HIP1: variants seen among roughly 807,000 people sequenced by gnomAD.
The protein encoded by HIP1 is huntingtin-interacting protein 1.
Under a neutral mutation model 147.6 loss-of-function variants are expected in HIP1, and 65 were observed. That is an observed-to-expected ratio of 0.44 (90% CI 0.36 to 0.54). The LOEUF (loss-of-function observed/expected upper bound fraction) is 0.54, where lower values mean the gene tolerates loss of function less well. Ranked by LOEUF, HIP1 falls within the 20% of genes least tolerant of loss-of-function variation. HIP1 has a pLI of 0.00. For missense variants in HIP1, 1,061 were observed against 1,299.6 expected, an observed-to-expected ratio of 0.82 and a Z score of 2.82; for synonymous variants, 479 against 504.0, an observed-to-expected ratio of 0.95 and a Z score of 0.67.
At chr7:75,595,367 G>A (rs1554501809) in intron 2 of HIP1, among the ~76,000 whole-genome samples, 1 of 148,514 alleles carries the variant, frequency 6.7e-6, no homozygotes, top group Admixed American at 6.8e-5. Flanking sequence ...TTTTTAGACA[G>A]GGTCTCGCTC....
intron 23 of HIP1, 118 bp from the exon 24 acceptor site, chr7:75,547,931 C>T: frequency 3.5e-6 from 3 of 869,432 alleles, no homozygotes; most frequent in Non-Finnish European, 5.9e-6. Flanking sequence ...CTGGAAGTCC[C>T]CAAGTCCCTG....
At chr7:75,589,128 C>G (rs587649711) in intron 4 of HIP1, among the ~76,000 whole-genome samples, 1 of 141,698 alleles carries the variant, frequency 7.1e-6, no homozygotes, top group African/African-American at 2.6e-5. Context: ...CCAGCCTGGG[C>G]AACAAGAGCA....
At chr7:75,724,463 G>T (rs975682801) in intron 1 of HIP1, among the ~76,000 whole-genome samples, 1 of 151,886 alleles carries the variant, frequency 6.6e-6, no homozygotes, top group Non-Finnish European at 1.5e-5. Context: ...GGCCAGGCTG[G>T]TCTCCAACTT....
intron 2 of HIP1, among the ~76,000 whole-genome samples, chr7:75,597,759 T>TAAAAAA (rs1554502231): frequency 6.8e-5 from 3 of 44,120 alleles, no homozygotes; most frequent in African/African-American, 1.0e-4. Context: ...AAAAAAAAAG[T>TAAAAAA]CCCAACTCTG....
intron 1 of HIP1, among the ~76,000 whole-genome samples, chr7:75,617,170 G>T (rs762524047): frequency 1.3e-5 from 2 of 151,170 alleles, no homozygotes; most frequent in African/African-American, 2.4e-5. Flanking sequence ...CGCCTCCCCG[G>T]CTCAAGCGAT....
chr7:75,538,178 T>C lies in HIP1; in HGVS notation c.3108A>G (p.Lys1036=). The C allele has an allele frequency of 6.2e-7, 1 of 1,611,200 alleles. No homozygotes were observed. The highest frequency in any genetic ancestry group is 1.1e-5 in the South Asian group (1 of 91,014). The change falls in exon 31 of 31, where the codon AAA becomes AAG. Residue 1036 remains lysine, a synonymous_variant. Coordinates refer to ENST00000336926, the MANE Select transcript of HIP1 (RefSeq NM_005338.7). ...PPTLQEVVTE[K]E ...ATGGGGTGTTGGTTTGGCTCTATTC[T>C]TTTTCGGTTACCACTTCTTGCAGTG...
At chr7:75,579,141 A>G (rs1269478553) in intron 7 of HIP1, among the ~76,000 whole-genome samples, 1 of 151,218 alleles carries the variant, frequency 6.6e-6, no homozygotes, top group Non-Finnish European at 1.5e-5. Flanking sequence ...TAAAAAATAA[A>G]TGCATCTACA....
intron 1 of HIP1, among the ~76,000 whole-genome samples, chr7:75,691,865 G>A (rs1357887513): frequency 6.6e-6 from 1 of 152,114 alleles, no homozygotes; most frequent in Non-Finnish European, 1.5e-5. Context: ...GGTTGTCAGG[G>A]ACTGGCAAGG....
At chr7:75,657,533 A>G (rs1203576410) in intron 1 of HIP1, among the ~76,000 whole-genome samples, 2 of 151,922 alleles carry the variant, frequency 1.3e-5, no homozygotes, top group African/African-American at 2.4e-5. Flanking sequence ...TCTCAAAAAA[A>G]AAAAAAAAAA....
chr7:75,736,326 T>A (rs1027659304), intron 1 of HIP1, among the ~76,000 whole-genome samples: 3 of 152,104 alleles, frequency 2.0e-5, no homozygotes, highest in Non-Finnish European at 4.4e-5. Flanking sequence ...GTCTTACGCA[T>A]ATTTCTCTAT....
intron 1 of HIP1, among the ~76,000 whole-genome samples, chr7:75,603,173 C>T (rs1364873576): frequency 1.3e-5 from 2 of 151,846 alleles, no homozygotes; most frequent in Non-Finnish European, 2.9e-5. Context: ...ACAGCGAAAC[C>T]GTGTCTCTAC....
At chr7:75,611,446 G>C (rs1302538952) in intron 1 of HIP1, among the ~76,000 whole-genome samples, 2 of 137,434 alleles carry the variant, frequency 1.5e-5, no homozygotes, top group Admixed American at 1.5e-4. Flanking sequence ...CAGCCTGGGT[G>C]ACAGAGTGAG....
At chr7:75,719,140 A>C (rs1466728269) in intron 1 of HIP1, among the ~76,000 whole-genome samples, 1 of 152,094 alleles carries the variant, frequency 6.6e-6, no homozygotes, top group Non-Finnish European at 1.5e-5. Flanking sequence ...CAACATAGAG[A>C]GATCCTGTCT....
intron 1 of HIP1, among the ~76,000 whole-genome samples, chr7:75,658,591 A>G (rs1473323049): frequency 6.6e-6 from 1 of 151,974 alleles, no homozygotes. Flanking sequence ...GTGGCGGCCA[A>G]GGGAGAAAAA....
At chr7:75,582,836 C>T (rs1364098632) in intron 5 of HIP1, among the ~76,000 whole-genome samples, 1 of 152,116 alleles carries the variant, frequency 6.6e-6, no homozygotes, top group African/African-American at 2.4e-5. Context: ...AAAAAATCCC[C>T]ATTGCAGACT....
chr7:75,658,935 A>T (rs918187250), intron 1 of HIP1, among the ~76,000 whole-genome samples: 3 of 152,092 alleles, frequency 2.0e-5, no homozygotes, highest in Non-Finnish European at 4.4e-5. Flanking sequence ...ACAAACAAAG[A>T]AAAAACAGGA....
chr7:75,669,225 T>G (rs1799659298), intron 1 of HIP1, among the ~76,000 whole-genome samples: 1 of 151,258 alleles, frequency 6.6e-6, no homozygotes, highest in Admixed American at 6.6e-5. Flanking sequence ...TACAAAAAAT[T>G]AGGCTGGCAT....
At chr7:75,567,685 C>T (rs1795457612) in intron 9 of HIP1, among the ~76,000 whole-genome samples, 1 of 147,098 alleles carries the variant, frequency 6.8e-6, no homozygotes, top group African/African-American at 2.7e-5. Flanking sequence ...CCTGTAGTCT[C>T]AGCTACTCGA....
rs1006021944 is a variant in HIP1 at position 75,537,081 on chromosome 7, G to A, written c.*1091C>T. ...ACTCCGTCTCTGGGCCAAGGGAGACGGCCCGCTTGACAGAGACCATTCACG... is the reference window on the plus strand; with the variant it reads ...ACTCCGTCTCTGGGCCAAGGGAGACAGCCCGCTTGACAGAGACCATTCACG... On this transcript the variant is annotated 3_prime_UTR_variant, in exon 31 of 31. Coordinates refer to ENST00000336926, the MANE Select transcript of HIP1 (RefSeq NM_005338.7). The A allele has an allele frequency of 2.6e-5, 6 of 232,444 alleles. No individual in the cohort carries two copies. In the Admixed American group the frequency reaches 2.8e-4, roughly 11 times the overall value. The allele number at this position is 232,444 out of a possible 1,614,324, so 14.4% of individuals were successfully genotyped here.
Sources: gnomAD v4.1 joint callset for allele counts (sites outside exome capture counted in the v4.1 genomes callset) on GRCh38, gnomAD v4.1.1 for gene constraint, MANE v1.5 for transcripts, NCBI Gene and HGNC (gene_info 2026-07-23, HGNC 2026-07-21) for gene names.